SSBP3: variants seen among roughly 807,000 people sequenced by gnomAD.
SSBP3 encodes the protein single-stranded DNA-binding protein 3.
Under a neutral mutation model 69.6 loss-of-function variants are expected in SSBP3, and 5 were observed. The ratio of observed to expected loss-of-function variants is 0.07; its 90% CI spans 0.04 to 0.15. The LOEUF (loss-of-function observed/expected upper bound fraction) is 0.15, where lower values mean the gene tolerates loss of function less well. Ranked by LOEUF, SSBP3 falls within the 10% of genes least tolerant of loss-of-function variation. The pLI, the probability that SSBP3 is intolerant of heterozygous loss-of-function variation, is 1.00. For missense variants in SSBP3, 312 were observed against 534.0 expected, an observed-to-expected ratio of 0.58 and a Z score of 4.10; for synonymous variants, 196 against 193.4, an observed-to-expected ratio of 1.01 and a Z score of -0.11.
intron 5 of SSBP3, among the ~76,000 whole-genome samples, chr1:54,262,828 G>T (rs1645038944): frequency 2.0e-5 from 3 of 152,186 alleles, no homozygotes; most frequent in African/African-American, 4.8e-5. Context: ...ACCAAGCCCT[G>T]GGGTAGACCT....
chr1:54,405,825 G>A (rs1198715333), intron 1 of SSBP3, 128 bp downstream of exon 1: 18 of 538,608 alleles, frequency 3.3e-5, no homozygotes, highest in Non-Finnish European at 4.2e-5. Flanking sequence ...CAGGCAGGCG[G>A]CGCCTGGACC....
intron 4 of SSBP3, among the ~76,000 whole-genome samples, chr1:54,395,905 G>A (rs527600426): frequency 4.9e-4 from 74 of 152,004 alleles, no homozygotes; most frequent in Admixed American, 1.6e-3. Context: ...AAAAAACCCC[G>A]TTACCGGCCA....
intron 4 of SSBP3, among the ~76,000 whole-genome samples, chr1:54,374,326 C>A (rs1370643324): frequency 6.6e-6 from 1 of 152,234 alleles, no homozygotes; most frequent in African/African-American, 2.4e-5. Flanking sequence ...ACAAGGAGCA[C>A]AGGCTCCGGG....
Position 54,227,173 on chromosome 1 carries a change from A to T in SSBP3, c.1138-13T>A. ...TGCTTGGAGAATACTGGAAAGGAGA[A>T]GCAGAGAAGGGGGGGGGGTGAGGAT... On this transcript the variant is annotated splice_polypyrimidine_tract_variant and intron_variant, in intron 17 of 17. Transcript: ENST00000610401. The T allele has an allele frequency of 6.6e-6, 4 of 601,710 alleles. No individual in the cohort carries two copies. The highest frequency in any genetic ancestry group is 8.1e-6 in the Non-Finnish European group (3 of 372,446). 37.3% of individuals were successfully genotyped at this position (601,710 alleles called of 1,614,324 possible). A position where few individuals can be genotyped will look rare whatever the true frequency, so the allele number is the denominator to read the frequency against.
intron 4 of SSBP3, among the ~76,000 whole-genome samples, chr1:54,367,232 A>C (rs1353629722): frequency 1.3e-5 from 2 of 152,256 alleles, no homozygotes; most frequent in East Asian, 3.9e-4. Context: ...GAATGCCACC[A>C]ATCGCTCTTG....
At chr1:54,348,711 G>C (rs1646731324) in intron 4 of SSBP3, among the ~76,000 whole-genome samples, 1 of 152,222 alleles carries the variant, frequency 6.6e-6, no homozygotes, top group African/African-American at 2.4e-5. Context: ...TGTGGTCATG[G>C]GGCAGCGGGG....
chr1:54,298,059 C>T (rs540576524), intron 4 of SSBP3, among the ~76,000 whole-genome samples: 178 of 152,260 alleles, frequency 1.2e-3, no homozygotes, highest in African/African-American at 4.0e-3. Context: ...CAACCAGTCT[C>T]CTAGGAGGCC....
intron 10 of SSBP3, 22 bp from the exon 11 acceptor site, chr1:54,242,234 G>A: frequency 6.2e-7 from 1 of 1,613,730 alleles, no homozygotes; most frequent in Non-Finnish European, 8.5e-7. Flanking sequence ...AGAAAGAGAT[G>A]TGGACAATGA....
intron 4 of SSBP3, among the ~76,000 whole-genome samples, chr1:54,390,139 C>T (rs1371651553): frequency 6.6e-6 from 1 of 152,162 alleles, no homozygotes; most frequent in Non-Finnish European, 1.5e-5. Context: ...TGCCTGTCCC[C>T]TACATTGTCC....
At chr1:54,399,865 C>T (rs1211565895) in intron 4 of SSBP3, among the ~76,000 whole-genome samples, 2 of 152,180 alleles carry the variant, frequency 1.3e-5, no homozygotes, top group African/African-American at 4.8e-5. Flanking sequence ...CAATGCTACC[C>T]CTTAACGCCT....
At chr1:54,304,033 A>G (rs1645851785) in intron 4 of SSBP3, among the ~76,000 whole-genome samples, 1 of 152,156 alleles carries the variant, frequency 6.6e-6, no homozygotes, top group South Asian at 2.1e-4. Context: ...GAGACAGAGG[A>G]CAGGAGACCG....
intron 14 of SSBP3, chr1:54,238,075 CT>C (rs1308842493): frequency 2.2e-6 from 1 of 452,794 alleles, no homozygotes; most frequent in Non-Finnish European, 4.7e-6. Flanking sequence ...GGATGTGGGG[CT>C]TTTTAGTGTT....
Position 54,288,862 on chromosome 1 carries a change from CA to C in SSBP3, c.277-7336del, listed in dbSNP as rs543505891. On this transcript the variant is annotated intron_variant, in intron 4 of 17. Transcript: ENST00000610401. ...GAAACCAAGTCTCTACTAAAAATAC[CA>C]AAAAAAATCAGCTGGGTGTGGTGGC... Among the ~76,000 whole-genome samples, 4 of 150,806 alleles carry C rather than the reference CA, an allele frequency of 2.7e-5. No homozygotes were observed. In the East Asian group the frequency reaches 7.8e-4, roughly 29 times the overall value.
chr1:54,238,036 C>A, intron 14 of SSBP3: 1 of 414,686 alleles, frequency 2.4e-6, no homozygotes, highest in Non-Finnish European at 5.1e-6. Flanking sequence ...TGACAAAACC[C>A]AGGACTTTCT....
chr1:54,273,109 T>A (rs1299883788), intron 5 of SSBP3, among the ~76,000 whole-genome samples: 1 of 152,242 alleles, frequency 6.6e-6, no homozygotes, highest in Non-Finnish European at 1.5e-5. Flanking sequence ...TAGGGGGCAG[T>A]CAAGGCCCAA....
chr1:54,410,902 G>A (rs1192409063), upstream of SSBP3, among the ~76,000 whole-genome samples: 2 of 152,360 alleles, frequency 1.3e-5, no homozygotes, highest in East Asian at 3.9e-4. Context: ...TGGGGGCTCA[G>A]GGGAGACAGT....
intron 13 of SSBP3, among the ~76,000 whole-genome samples, chr1:54,240,045 GGGGTGTGTGT>G (rs755311670): frequency 0.067 from 4,365 of 65,366 alleles, 92 homozygotes; most frequent in Non-Finnish European, 0.081. Context: ...TAATTGTGAT[GGGGTGTGTGT>G]GTGTGTGTGT....
intron 4 of SSBP3, among the ~76,000 whole-genome samples, chr1:54,389,026 T>C (rs909139989): frequency 1.3e-5 from 2 of 152,208 alleles, no homozygotes; most frequent in Non-Finnish European, 2.9e-5. Flanking sequence ...GCATTGCTAA[T>C]ATTGTTTAAG....
chr1:54,319,098 C>T (rs934656284), intron 4 of SSBP3, among the ~76,000 whole-genome samples: 13 of 152,182 alleles, frequency 8.5e-5, no homozygotes, highest in African/African-American at 3.1e-4. Context: ...AAGAACCAAC[C>T]AGCCCTGAGC....
Sources: gnomAD v4.1 joint callset for allele counts (sites outside exome capture counted in the v4.1 genomes callset) on GRCh38, gnomAD v4.1.1 for gene constraint, MANE v1.5 for transcripts, NCBI Gene and HGNC (gene_info 2026-07-23, HGNC 2026-07-21) for gene names.